CDIN1: variants seen among roughly 807,000 people sequenced by gnomAD.
CDIN1 encodes CDAN1-interacting nuclease 1.
In CDIN1, 33 loss-of-function variants were observed where a neutral mutation model predicts 45.3. The observed-to-expected ratio is 0.73, with a 90% CI of 0.55 to 0.97. The LOEUF (loss-of-function observed/expected upper bound fraction) is 0.97. CDIN1 is among the 50% of genes least tolerant of loss of function. The pLI is 0.00. For missense variants in CDIN1, 303 were observed against 339.4 expected, an observed-to-expected ratio of 0.89 and a Z score of 0.84; for synonymous variants, 118 against 124.4, an observed-to-expected ratio of 0.95 and a Z score of 0.34.
chr15:36,768,022 C>A (rs1201599225), intron 10 of CDIN1, among the ~76,000 whole-genome samples: 1 of 152,166 alleles, frequency 6.6e-6, no homozygotes, highest in African/African-American at 2.4e-5. Flanking sequence ...GTGCTCATTG[C>A]AAATACTAGT....
chr15:36,695,737 C>T (rs928707237), intron 7 of CDIN1, among the ~76,000 whole-genome samples: 1 of 151,970 alleles, frequency 6.6e-6, no homozygotes, highest in African/African-American at 2.4e-5. Context: ...ATTCCAGCTA[C>T]TCTGGAGGCT....
In CDIN1 at chr15:36,809,943, A is replaced by AGGG. The variant is rs1204583682; in HGVS notation, c.*1491_*1493dup. 6 of 152,094 alleles carry AGGG rather than the reference A, an allele frequency of 3.9e-5. No homozygotes were observed. Among genetic ancestry groups the AGGG allele is most frequent in the African/African-American group, 1.4e-4 (6 of 41,422 alleles). 9.4% of individuals were successfully genotyped at this position (152,094 alleles called of 1,614,324 possible). On this transcript the variant is annotated 3_prime_UTR_variant, in exon 11 of 11. Transcript: ENST00000566621. ...GAGGCAGAAGATGAAATGCTAAAGA[A>AGGG]GGGTCAGGCAAACTTCTGTTTCAGT... is the stretch of plus-strand genomic sequence containing the variant.
chr15:36,682,828 C>G (rs1212093253), intron 5 of CDIN1, among the ~76,000 whole-genome samples: 1 of 151,182 alleles, frequency 6.6e-6, no homozygotes, highest in Non-Finnish European at 1.5e-5. Context: ...ATCTGGGTAC[C>G]CCATCGCCCA....
chr15:36,627,288 A>G (rs114669925), intron 1 of CDIN1: 2,656 of 162,804 alleles, frequency 0.016, 77 homozygotes, highest in African/African-American at 0.06. Flanking sequence ...GTCCTGAGCC[A>G]TAAGCAGGAA....
At chr15:36,621,303 C>T (rs976236444) in intron 1 of CDIN1, among the ~76,000 whole-genome samples, 1 of 152,182 alleles carries the variant, frequency 6.6e-6, no homozygotes, top group African/African-American at 2.4e-5. Flanking sequence ...AATTCACCTT[C>T]CAACTCTAAG....
At chr15:36,600,799 C>G (rs1370892565) in intron 1 of CDIN1, among the ~76,000 whole-genome samples, 2 of 152,138 alleles carry the variant, frequency 1.3e-5, no homozygotes, top group African/African-American at 4.8e-5. Context: ...TGTTTTCCAT[C>G]AAAGTATAGT....
chr15:36,713,489 G>A (rs1467644202), intron 10 of CDIN1, among the ~76,000 whole-genome samples: 1 of 152,142 alleles, frequency 6.6e-6, no homozygotes, highest in Non-Finnish European at 1.5e-5. Flanking sequence ...AGTAATGGGA[G>A]GAATATTGGG....
At chr15:36,679,928 T>C (rs1437702752) in intron 5 of CDIN1, among the ~76,000 whole-genome samples, 1 of 152,196 alleles carries the variant, frequency 6.6e-6, no homozygotes. Flanking sequence ...TTGTCTCCAC[T>C]GAGCCAAGGC....
rs146242425 is a variant in CDIN1 at position 36,618,005 on chromosome 15, A to G, written c.102-26273A>G. On this transcript the variant is annotated intron_variant, in intron 1 of 10. Coordinates refer to ENST00000566621, the MANE Select transcript of CDIN1 (RefSeq NM_001321759.2). Reference sequence around the variant, plus strand: ...AGCACAGTATGCCTCCCCAGTCTTTATGCAGCCTGTATATAATCTTCACCA... The same window carrying G: ...AGCACAGTATGCCTCCCCAGTCTTTGTGCAGCCTGTATATAATCTTCACCA... 687 of 789,368 alleles carry G rather than the reference A, an allele frequency of 8.7e-4. 6 individuals are homozygous for G. The African/African-American group carries it at 0.011, about 12-fold the overall frequency. The allele number at this position is 789,368 out of a possible 1,614,324, so 48.9% of individuals were successfully genotyped here.
intron 1 of CDIN1, among the ~76,000 whole-genome samples, 178 bp downstream of exon 1, chr15:36,580,139 A>T (rs2036975153): frequency 6.6e-6 from 1 of 152,226 alleles, no homozygotes. Context: ...TTCCACACAA[A>T]ACTCTTAACG....
chr15:36,764,455 T>G (rs2053858454), intron 10 of CDIN1, among the ~76,000 whole-genome samples: 2 of 152,204 alleles, frequency 1.3e-5, no homozygotes, highest in Non-Finnish European at 2.9e-5. Context: ...TGGATTCAGT[T>G]TTTAAAGGTA....
intron 1 of CDIN1, among the ~76,000 whole-genome samples, chr15:36,607,147 C>T (rs1373898484): frequency 6.6e-6 from 1 of 152,120 alleles, no homozygotes; most frequent in African/African-American, 2.4e-5. Flanking sequence ...TGTAATCATG[C>T]CTGGTACCCA....
At chr15:36,751,127 C>T (rs1174325268) in intron 10 of CDIN1, among the ~76,000 whole-genome samples, 1 of 150,476 alleles carries the variant, frequency 6.6e-6, no homozygotes. Context: ...TCAATATCCA[C>T]AAAATGAATA....
chr15:36,685,522 C>T lies in CDIN1; in HGVS notation c.347-6163C>T, dbSNP rs139468073. On this transcript the variant is annotated intron_variant, in intron 5 of 10. Transcript: ENST00000566621. ...CAAGTATGTGGTCATGTCTAAAACA[C>T]CAAAAGCAATGGCAACAAAACACAA... Among the ~76,000 whole-genome samples, 865 of 152,188 alleles carry T rather than the reference C, an allele frequency of 5.7e-3. 13 individuals carry two copies. Among genetic ancestry groups the T allele is most frequent in the Admixed American group, 0.038 (588 of 15,274 alleles).
intron 10 of CDIN1, among the ~76,000 whole-genome samples, chr15:36,742,191 G>C (rs2140943171): frequency 6.6e-6 from 1 of 152,144 alleles, no homozygotes; most frequent in Non-Finnish European, 1.5e-5. Context: ...TGAAATTACA[G>C]GTCATTCATC....
chr15:36,743,394 G>T (rs934439280), intron 10 of CDIN1, among the ~76,000 whole-genome samples: 2 of 152,142 alleles, frequency 1.3e-5, no homozygotes, highest in Non-Finnish European at 2.9e-5. Context: ...AACACACAAA[G>T]ATATTCTGTG....
chr15:36,755,529 T>A (rs2053587915), intron 10 of CDIN1, among the ~76,000 whole-genome samples: 1 of 152,146 alleles, frequency 6.6e-6, no homozygotes, highest in East Asian at 1.9e-4. Context: ...CTGCCATGAG[T>A]AGTGCAGTGT....
intron 10 of CDIN1, among the ~76,000 whole-genome samples, chr15:36,753,657 C>T (rs1025640952): frequency 6.7e-6 from 1 of 149,514 alleles, no homozygotes; most frequent in Admixed American, 6.7e-5. Flanking sequence ...AATGGTTTGT[C>T]AGTGGAGATA....
At chr15:36,751,034 AT>A (rs2053445204) in intron 10 of CDIN1, among the ~76,000 whole-genome samples, 2 of 151,910 alleles carry the variant, frequency 1.3e-5, no homozygotes, top group Non-Finnish European at 2.9e-5. Context: ...AAACATTAAA[AT>A]AAATGAACAA....
Sources: allele counts gnomAD v4.1 joint callset (sites outside exome capture counted in the v4.1 genomes callset), GRCh38; gene constraint gnomAD v4.1.1; transcripts MANE v1.5; gene names NCBI Gene and HGNC (gene_info 2026-07-23, HGNC 2026-07-21).